The following PTPRK variants were observed in gnomAD, a reference collection of about 807,000 sequenced individuals.
The protein encoded by PTPRK is receptor-type tyrosine-protein phosphatase kappa.
PTPRK carries 75 observed loss-of-function variants against 178.0 expected under a neutral mutation model. The ratio of observed to expected loss-of-function variants is 0.42; its 90% CI spans 0.35 to 0.51. The LOEUF is 0.51. Among genes scored for constraint, PTPRK ranks in the 20% least tolerant of loss-of-function variants. The pLI is 0.02. For missense variants in PTPRK, 1,441 were observed against 1,797.8 expected, an observed-to-expected ratio of 0.80 and a Z score of 3.59; for synonymous variants, 637 against 620.6, an observed-to-expected ratio of 1.03 and a Z score of -0.39.
intron 2 of PTPRK, among the ~76,000 whole-genome samples, chr6:128,377,177 G>C (rs1008183789): frequency 2.6e-5 from 4 of 152,144 alleles, no homozygotes; most frequent in East Asian, 3.8e-4. Flanking sequence ...TCACACTGCT[G>C]ATAAAGATGT....
chr6:128,509,326 T>C (rs1354488168), intron 1 of PTPRK, among the ~76,000 whole-genome samples: 1 of 152,156 alleles, frequency 6.6e-6, no homozygotes, highest in Non-Finnish European at 1.5e-5. Context: ...GTGAAAAAAG[T>C]TGGGGGGACT....
intron 3 of PTPRK, among the ~76,000 whole-genome samples, chr6:128,288,400 A>C (rs1314654917): frequency 6.6e-6 from 1 of 152,182 alleles, no homozygotes; most frequent in Non-Finnish European, 1.5e-5. Context: ...ATTTCATGTG[A>C]AAATATCTCT....
intron 7 of PTPRK, among the ~76,000 whole-genome samples, chr6:128,148,333 AT>A (rs1430929838): frequency 6.6e-6 from 1 of 152,162 alleles, no homozygotes; most frequent in Non-Finnish European, 1.5e-5. Flanking sequence ...GATTATTGGA[AT>A]TTTAAAATAT....
intron 6 of PTPRK, among the ~76,000 whole-genome samples, chr6:128,185,899 T>C (rs940666024): frequency 3.3e-5 from 5 of 152,158 alleles, no homozygotes; most frequent in Admixed American, 3.3e-4. Context: ...AGGTTTTACC[T>C]TCTTATGCAG....
At chr6:128,234,220 C>A (rs1419992699) in intron 5 of PTPRK, among the ~76,000 whole-genome samples, 1 of 152,158 alleles carries the variant, frequency 6.6e-6, no homozygotes, top group African/African-American at 2.4e-5. Flanking sequence ...TTGAAATGGA[C>A]AAGATGGATA....
intron 7 of PTPRK, among the ~76,000 whole-genome samples, chr6:128,150,314 G>A (rs529748377): frequency 2.0e-5 from 3 of 152,060 alleles, no homozygotes; most frequent in Admixed American, 2.0e-4. Context: ...AATACATAGT[G>A]GTCAATAGGC....
intron 3 of PTPRK, among the ~76,000 whole-genome samples, chr6:128,301,435 CTTG>C (rs1825593959): frequency 6.6e-6 from 1 of 151,610 alleles, no homozygotes; most frequent in Admixed American, 6.6e-5. Flanking sequence ...TTGCATTGTA[CTTG>C]TTATTTGCTT....
intron 3 of PTPRK, among the ~76,000 whole-genome samples, chr6:128,267,860 A>G (rs973534594): frequency 6.6e-6 from 1 of 152,148 alleles, no homozygotes; most frequent in African/African-American, 2.4e-5. Context: ...AGGAGATCTG[A>G]TAAGTTTTAT....
chr6:128,376,829 T>C (rs1318412582), intron 2 of PTPRK, among the ~76,000 whole-genome samples: 1 of 152,168 alleles, frequency 6.6e-6, no homozygotes, highest in Non-Finnish European at 1.5e-5. Context: ...CACAAATCTC[T>C]AGGGCAGGGG....
chr6:128,238,070 A>C (rs1202860551), intron 5 of PTPRK: 2 of 446,754 alleles, frequency 4.5e-6, no homozygotes, highest in Non-Finnish European at 8.9e-6. Flanking sequence ...TTATTGAAAA[A>C]GGTAAAATAG....
intron 7 of PTPRK, among the ~76,000 whole-genome samples, chr6:128,173,804 C>A (rs1221875064): frequency 2.0e-5 from 3 of 152,010 alleles, no homozygotes; most frequent in Non-Finnish European, 4.4e-5. Context: ...TTTGCTTAGA[C>A]TGAAGTAGCA....
intron 3 of PTPRK, among the ~76,000 whole-genome samples, chr6:128,306,722 C>T (rs1295290378): frequency 6.6e-6 from 1 of 151,974 alleles, no homozygotes; most frequent in Admixed American, 6.6e-5. Flanking sequence ...CACTTGAGCT[C>T]AGGAGTTAGA....
In PTPRK at chr6:128,214,477, C is replaced by T. The variant is rs9388623; in HGVS notation, c.868+4445G>A. Among the ~76,000 whole-genome samples the T allele has an allele frequency of 0.027, 4,082 of 152,122 alleles. 295 individuals carry two copies. In the East Asian group the frequency reaches 0.31, roughly 11 times the overall value. ...CTAATTCTGAGTAACACTGTTTACG[C>T]TCTGGAGTCCTGTGTACAAAAGCTC... On this transcript the variant is annotated intron_variant, in intron 6 of 29. Transcript: ENST00000368226.
chr6:128,007,457 C>T (rs1431706347), intron 14 of PTPRK, among the ~76,000 whole-genome samples: 1 of 150,758 alleles, frequency 6.6e-6, no homozygotes, highest in Non-Finnish European at 1.5e-5. Context: ...AATAGAGAGG[C>T]TCATTAACTT....
chr6:128,264,770 T>C (rs1240003779), intron 3 of PTPRK, among the ~76,000 whole-genome samples: 1 of 152,108 alleles, frequency 6.6e-6, no homozygotes, highest in Non-Finnish European at 1.5e-5. Context: ...ACTCCCACAA[T>C]TCCCATGTGT....
intron 2 of PTPRK, among the ~76,000 whole-genome samples, chr6:128,324,606 C>A (rs946827033): frequency 6.6e-6 from 1 of 152,086 alleles, no homozygotes; most frequent in Admixed American, 6.6e-5. Flanking sequence ...GTTGATAATT[C>A]ATCTCTATAG....
At chr6:128,106,751 C>T (rs1400532909) in intron 7 of PTPRK, among the ~76,000 whole-genome samples, 2 of 152,036 alleles carry the variant, frequency 1.3e-5, no homozygotes, top group African/African-American at 4.8e-5. Context: ...GAATGTAAAA[C>T]TATGGGGAGA....
intron 5 of PTPRK, among the ~76,000 whole-genome samples, chr6:128,237,199 C>T (rs1023510801): frequency 7.9e-5 from 12 of 152,040 alleles, no homozygotes; most frequent in African/African-American, 4.8e-5. Context: ...TTACTTTAGC[C>T]CATATTTAGA....
chr6:128,237,649 AG>A lies in PTPRK; in HGVS notation c.693+2385del, dbSNP rs796789019. On this transcript the variant is annotated intron_variant, in intron 5 of 29. Coordinates refer to ENST00000368226, the MANE Select transcript of PTPRK (RefSeq NM_002844.4). Reference sequence around the variant, plus strand: ...CCAGAACACATAAATGAAATCTCTAAGGCCACTGCAATTAACTGGGTTAAAA... The same window carrying A: ...CCAGAACACATAAATGAAATCTCTAAGCCACTGCAATTAACTGGGTTAAAA... 2.2e-4 allele frequency among the ~76,000 whole-genome samples: 33 copies of A among 152,320 alleles called. 1 individual carries two copies. Among genetic ancestry groups the A allele is most frequent in the African/African-American group, 7.7e-4 (32 of 41,574 alleles).
Sources: gnomAD v4.1 joint callset for allele counts (sites outside exome capture counted in the v4.1 genomes callset) on GRCh38, gnomAD v4.1.1 for gene constraint, MANE v1.5 for transcripts, NCBI Gene and HGNC (gene_info 2026-07-23, HGNC 2026-07-21) for gene names.